The following SSC4D variants were observed in gnomAD, a reference collection of about 807,000 sequenced individuals.
The protein encoded by SSC4D is scavenger receptor cysteine-rich domain-containing group B protein.
Under a neutral mutation model 63.4 loss-of-function variants are expected in SSC4D, and 57 were observed. The ratio of observed to expected loss-of-function variants is 0.90; its 90% CI spans 0.73 to 1.12. The LOEUF is 1.12. Among genes scored for constraint, SSC4D ranks in the 50% most tolerant of loss-of-function variants. The pLI is 0.00. For missense variants in SSC4D, 791 were observed against 806.4 expected (o/e 0.98, Z 0.23); for synonymous variants, 352 against 345.4 (o/e 1.02, Z -0.21).
chr7:76,397,571 C>G lies in SSC4D; in HGVS notation c.815G>C (p.Gly272Ala). The G allele has an allele frequency of 6.2e-7, 1 of 1,607,678 alleles. No individual in the cohort carries two copies. The highest frequency in any genetic ancestry group is 1.7e-5 in the Admixed American group (1 of 58,942). Residue 272 changes from glycine (G) to alanine (A), a missense_variant, in exon 6 of 11, where the codon GGC becomes GCC. Coordinates refer to ENST00000275560, the MANE Select transcript of SSC4D (RefSeq NM_080744.2). ...EPRLAACQSLGWGVHNCGHHE... is the reference protein window; with the variant it reads ...EPRLAACQSLAWGVHNCGHHE... ...GTGGCCGCAGTTGTGCACACCCCAG[C>G]CCAGGCTCTGGCAGGCTGCCAGGCG...
At chr7:76,396,939 G>A (rs1804654175) in intron 6 of SSC4D, among the ~76,000 whole-genome samples, 1 of 152,118 alleles carries the variant, frequency 6.6e-6, no homozygotes, top group Admixed American at 6.6e-5. Flanking sequence ...ATATCTCTGG[G>A]GCAATTCTAG....
At position 76,389,400 on chromosome 7, in the gene SSC4D, G is replaced by C. The variant is rs1804443509; in HGVS notation, c.*659C>G. ...ATGAACTGGTGGCTACAGGCCCCCA[G>C]GGTTCTTCACTCCTGCAAAGTGGAG... On this transcript the variant is annotated 3_prime_UTR_variant, in exon 11 of 11. Coordinates refer to ENST00000275560, the MANE Select transcript of SSC4D (RefSeq NM_080744.2). 6.5e-6 allele frequency: 1 copy of C among 152,732 alleles called. No individual in the cohort carries two copies. The highest frequency in any genetic ancestry group is 1.5e-5 in the Non-Finnish European group (1 of 68,130). The allele number at this position is 152,732 out of a possible 1,614,324, so 9.5% of individuals were successfully genotyped here.
Position 76,390,017 on chromosome 7 carries a change from C to G in SSC4D, c.*42G>C. The G allele has an allele frequency of 6.2e-7, 1 of 1,611,552 alleles. No homozygotes were observed. Among genetic ancestry groups the G allele is most frequent in the Admixed American group, 1.7e-5 (1 of 59,830 alleles). On this transcript the variant is annotated 3_prime_UTR_variant, in exon 11 of 11. Coordinates refer to ENST00000275560, the MANE Select transcript of SSC4D (RefSeq NM_080744.2). Reference sequence around the variant, plus strand: ...GGCTTCCTGGAGGAGGAAGGGAGGTCACAGCTCCCAGAAGAAGAGGTGGTC... The same window carrying G: ...GGCTTCCTGGAGGAGGAAGGGAGGTGACAGCTCCCAGAAGAAGAGGTGGTC...
At chr7:76,392,421 G>A (rs1339959857) in intron 9 of SSC4D, among the ~76,000 whole-genome samples, 1 of 151,954 alleles carries the variant, frequency 6.6e-6, no homozygotes, top group Non-Finnish European at 1.5e-5. Context: ...GTGGTGGCAT[G>A]CACCTGTAGT....
At chr7:76,403,290 C>T (rs1032189929) in intron 2 of SSC4D, among the ~76,000 whole-genome samples, 2 of 152,012 alleles carry the variant, frequency 1.3e-5, no homozygotes, top group African/African-American at 4.8e-5. Context: ...TATAACCACC[C>T]CCTGCAGCCT....
chr7:76,397,579 C>G lies in SSC4D; in HGVS notation c.807G>C (p.Gln269His), dbSNP rs1209475995. 1.9e-6 allele frequency: 3 copies of G among 1,609,626 alleles called. No homozygotes were observed. Among genetic ancestry groups the G allele is most frequent in the Non-Finnish European group, 1.7e-6 (2 of 1,178,222 alleles). Residue 269 changes from glutamine (Q) to histidine (H), a missense_variant, in exon 6 of 11, where the codon CAG becomes CAC. Coordinates refer to ENST00000275560, the MANE Select transcript of SSC4D (RefSeq NM_080744.2). ...EGGEPRLAAC[Q>H]SLGWGVHNCG... Reference sequence around the variant, plus strand: ...AGTTGTGCACACCCCAGCCCAGGCTCTGGCAGGCTGCCAGGCGGGGCTCGC... The same window carrying G: ...AGTTGTGCACACCCCAGCCCAGGCTGTGGCAGGCTGCCAGGCGGGGCTCGC...
chr7:76,400,524 C>G lies in SSC4D; in HGVS notation c.237G>C (p.Trp79Cys). The G allele has an allele frequency of 6.3e-7, 1 of 1,575,278 alleles. No homozygotes were observed. Among genetic ancestry groups the G allele is most frequent in the Non-Finnish European group, 8.6e-7 (1 of 1,159,440 alleles). ...CCCAGTCGTCATCACAGACGCTGCCCCAGGAGCCACCGTGCATGACTTCCA... is the reference window on the plus strand; with the variant it reads ...CCCAGTCGTCATCACAGACGCTGCCGCAGGAGCCACCGTGCATGACTTCCA... ...GRLEVMHGGS[W>C]GSVCDDDWDV... Residue 79 changes from tryptophan (W) to cysteine (C), a missense_variant, in exon 4 of 11, where the codon TGG becomes TGC. Coordinates refer to ENST00000275560, the MANE Select transcript of SSC4D (RefSeq NM_080744.2).
intron 7 of SSC4D, among the ~76,000 whole-genome samples, chr7:76,394,803 T>C (rs1447617542): frequency 2.1e-5 from 3 of 145,756 alleles, no homozygotes; most frequent in Admixed American, 7.0e-5. Flanking sequence ...TATATAAATA[T>C]ATAAAATATG....
At chr7:76,395,405 G>A in intron 6 of SSC4D, 75 bp from the exon 7 acceptor site, 3 of 1,453,528 alleles carry the variant, frequency 2.1e-6, no homozygotes, top group South Asian at 2.3e-5. Context: ...TGTCAGGGGA[G>A]GATAGGAGGG....
chr7:76,400,558 C>T lies in SSC4D; in HGVS notation c.203G>A (p.Arg68Gln), dbSNP rs564222991. ...LRLVGGPSRC[R>Q]GRLEVMHGGS... ...ACCGTGCATGACTTCCAGGCGGCCC[C>T]GGCAGCGGCTGGGGCCCCCCACCAG... is the stretch of plus-strand genomic sequence containing the variant. The change falls in exon 4 of 11, where the codon CGG becomes CAG. Residue 68 changes from arginine (R) to glutamine (Q), a missense_variant. Arg to Gln is a conservative substitution (Grantham distance 43). Transcript: ENST00000275560. 1.7e-5 allele frequency: 25 copies of T among 1,504,106 alleles called. No individual in the cohort carries two copies. The highest frequency in any genetic ancestry group is 1.5e-4 in the African/African-American group (11 of 71,272). The allele number at this position is 1,504,106 out of a possible 1,614,324, so 93.2% of individuals were successfully genotyped here. A position where few individuals can be genotyped will look rare whatever the true frequency, so the allele number is the denominator to read the frequency against.
intron 1 of SSC4D, among the ~76,000 whole-genome samples, chr7:76,406,948 T>G (rs750702729): frequency 3.3e-5 from 5 of 151,460 alleles, no homozygotes; most frequent in Admixed American, 6.6e-5. Flanking sequence ...TTTCTTCTGA[T>G]TTAAATTATT....
At chr7:76,390,424 A>C (rs781088352) in intron 10 of SSC4D, 49 bp from the exon 11 acceptor site, 3 of 1,511,904 alleles carry the variant, frequency 2.0e-6, no homozygotes, top group Non-Finnish European at 2.7e-6. Context: ...ATGCCAGGCC[A>C]CTCCCAAGCT....
chr7:76,406,893 T>C (rs1805052792), intron 1 of SSC4D, among the ~76,000 whole-genome samples: 1 of 152,136 alleles, frequency 6.6e-6, no homozygotes, highest in South Asian at 2.1e-4. Flanking sequence ...TTGTGTGTCA[T>C]GGTAACTATG....
At chr7:76,406,309 G>T (rs962300017) in intron 1 of SSC4D, among the ~76,000 whole-genome samples, 9 of 152,112 alleles carry the variant, frequency 5.9e-5, no homozygotes, top group African/African-American at 1.9e-4. Context: ...TGGTGCCACG[G>T]ACAGCAACCC....
intron 2 of SSC4D, among the ~76,000 whole-genome samples, chr7:76,402,202 A>G (rs1173585771): frequency 2.2e-5 from 2 of 91,004 alleles, no homozygotes; most frequent in African/African-American, 3.7e-5. Flanking sequence ...TTTTTTTTTG[A>G]GACAGAGTCT....
chr7:76,398,600 C>T lies in SSC4D; in HGVS notation c.553+120G>A, dbSNP rs549825483. ...GATTACAGGTGTGAGCCACCATGCC[C>T]AGCCATTTTCTCTAACTTTACATCT... is the stretch of plus-strand genomic sequence containing the variant. On this transcript the variant is annotated intron_variant, in intron 5 of 10. Transcript: ENST00000275560. 13 of 1,179,080 alleles carry T rather than the reference C, an allele frequency of 1.1e-5. No individual in the cohort carries two copies. The East Asian group carries it at 3.3e-4, about 30-fold the overall frequency. 73.0% of individuals were successfully genotyped at this position (1,179,080 alleles called of 1,614,324 possible).
intron 2 of SSC4D, among the ~76,000 whole-genome samples, chr7:76,403,227 C>T (rs11978981): frequency 0.01 from 1,573 of 152,234 alleles, 34 homozygotes; most frequent in African/African-American, 0.036. Context: ...AATGGAAAGC[C>T]GGAAAATAAT....
At chr7:76,393,105 GC>G (rs1298771075) in intron 9 of SSC4D, among the ~76,000 whole-genome samples, 1 of 152,180 alleles carries the variant, frequency 6.6e-6, no homozygotes, top group Non-Finnish European at 1.5e-5. Context: ...CGGACTTGAT[GC>G]CTTTCTCGAA....
intron 1 of SSC4D, among the ~76,000 whole-genome samples, chr7:76,408,836 A>T (rs11486951): frequency 0.41 from 62,992 of 151,882 alleles, 13,310 homozygotes; most frequent in South Asian, 0.53. Context: ...TATCCCTTTC[A>T]GAGTCCATCT....
Sources: gnomAD v4.1 joint callset for allele counts (sites outside exome capture counted in the v4.1 genomes callset) on GRCh38, gnomAD v4.1.1 for gene constraint, MANE v1.5 for transcripts, NCBI Gene and HGNC (gene_info 2026-07-23, HGNC 2026-07-21) for gene names.